Variants in SRRM3 observed in about 807,000 individuals in gnomAD.
The protein encoded by SRRM3 is serine/arginine repetitive matrix 3, also known as serine/arginine repetitive matrix protein 3.
Under a neutral mutation model 66.2 loss-of-function variants are expected in SRRM3, and 27 were observed. The observed-to-expected ratio is 0.41, with a 90% CI of 0.30 to 0.56. The LOEUF (loss-of-function observed/expected upper bound fraction) is 0.56, where lower values mean the gene tolerates loss of function less well. Ranked by LOEUF, SRRM3 falls within the 20% of genes least tolerant of loss-of-function variation. SRRM3 has a pLI of 0.32. For synonymous variants in SRRM3, 391 were observed against 414.9 expected, an observed-to-expected ratio of 0.94 and a Z score of 0.70; for missense variants, 918 against 991.9, an observed-to-expected ratio of 0.93 and a Z score of 1.00.
intron 1 of SRRM3, among the ~76,000 whole-genome samples, chr7:76,209,273 C>T (rs886980148): frequency 1.3e-5 from 2 of 152,198 alleles, no homozygotes; most frequent in Non-Finnish European, 2.9e-5. Context: ...CCTTGAGGAG[C>T]TTCTGGACCA....
At chr7:76,244,160 G>A (rs185133555) in intron 2 of SRRM3, among the ~76,000 whole-genome samples, 64 of 152,246 alleles carry the variant, frequency 4.2e-4, no homozygotes, top group African/African-American at 1.4e-3. Flanking sequence ...CCCTCCCCAC[G>A]GTGAGCGACA....
chr7:76,257,137 T>A (rs573982775), intron 3 of SRRM3, among the ~76,000 whole-genome samples: 1 of 152,322 alleles, frequency 6.6e-6, no homozygotes, highest in African/African-American at 2.4e-5. Context: ...CCAGTAGGTC[T>A]CAGCCTCATT....
chr7:76,207,906 A>G (rs1370728730), intron 1 of SRRM3, among the ~76,000 whole-genome samples: 2 of 152,140 alleles, frequency 1.3e-5, no homozygotes, highest in South Asian at 2.1e-4. Flanking sequence ...ATATTCTTCC[A>G]AAAGCATATT....
chr7:76,227,304 A>G (rs1800898491), intron 1 of SRRM3, among the ~76,000 whole-genome samples: 1 of 152,212 alleles, frequency 6.6e-6, no homozygotes, highest in African/African-American at 2.4e-5. Flanking sequence ...TTCAGATTAT[A>G]GCTCTAGACT....
intron 10 of SRRM3, among the ~76,000 whole-genome samples, chr7:76,265,850 A>G (rs1275291718): frequency 1.0e-4 from 1 of 9,914 alleles, no homozygotes; most frequent in Non-Finnish European, 1.3e-4. Context: ...ATATATATAT[A>G]TATATATATT....
intron 11 of SRRM3, among the ~76,000 whole-genome samples, chr7:76,270,266 G>T (rs1025171562): frequency 1.3e-5 from 2 of 152,204 alleles, no homozygotes; most frequent in Non-Finnish European, 2.9e-5. Flanking sequence ...AGCAGGACAG[G>T]CTGTTCAGGA....
intron 14 of SRRM3, chr7:76,283,930 A>G: frequency 1.5e-6 from 1 of 685,592 alleles, no homozygotes; most frequent in Non-Finnish European, 1.8e-6. Flanking sequence ...TCTGAGCCCA[A>G]CTCTGCCACT....
chr7:76,242,615 A>G (rs1275364184), intron 2 of SRRM3, among the ~76,000 whole-genome samples: 2 of 152,180 alleles, frequency 1.3e-5, no homozygotes, highest in African/African-American at 4.8e-5. Context: ...ATGTAATGAA[A>G]TAATTCTACA....
chr7:76,203,029 G>A (rs1381864436), intron 1 of SRRM3, among the ~76,000 whole-genome samples: 1 of 152,172 alleles, frequency 6.6e-6, no homozygotes, highest in Non-Finnish European at 1.5e-5. Context: ...TTGTCCCATG[G>A]CAAGAGAAAA....
chr7:76,265,861 T>TAATATATATATAAATA (rs1802011232), intron 10 of SRRM3, among the ~76,000 whole-genome samples: 8 of 20,454 alleles, frequency 3.9e-4, no homozygotes, highest in African/African-American at 1.8e-3. Flanking sequence ...TATATATATT[T>TAATATATATATAAATA]TTTTTTTTTT....
In SRRM3 at chr7:76,285,791, C is replaced by A. The variant is rs1297703775; in HGVS notation, c.1910C>A (p.Thr637Asn). The A allele has an allele frequency of 1.3e-6, 2 of 1,550,912 alleles. No homozygotes were observed. The highest frequency in any genetic ancestry group is 2.0e-5 in the Admixed American group (1 of 51,044). The change falls in exon 15 of 15, where the codon ACC (threonine) becomes AAC (asparagine). Residue 637 changes from threonine to asparagine, a missense_variant. By Grantham distance (65) the Thr-to-Asn change is moderately conservative. Transcript: ENST00000611745. This position sits in a 1 kb window ranked among gnomAD's most constrained non-coding sequence, Gnocchi z 4.1. ...TRSRTRSPSR[T>N]PSPSYHSRSS... ...AGCCGGACACGCAGCCCCTCGAGGA[C>A]CCCCAGTCCCAGCTACCACAGCCGG...
intron 1 of SRRM3, among the ~76,000 whole-genome samples, chr7:76,217,500 T>C (rs1397790783): frequency 6.6e-6 from 1 of 152,104 alleles, no homozygotes; most frequent in Non-Finnish European, 1.5e-5. Flanking sequence ...GGCCAGGCTG[T>C]TCTCAAATTG....
chr7:76,235,347 A>T, intron 2 of SRRM3, 48 bp downstream of exon 2: 33 of 1,121,438 alleles, frequency 2.9e-5, no homozygotes, highest in Middle Eastern at 3.4e-4. Flanking sequence ...AGGCGGGGCG[A>T]GGGTGGGAGA....
chr7:76,285,603 T>G lies in SRRM3; in HGVS notation c.1734-12T>G, dbSNP rs782374266. 25 of 1,546,064 alleles carry G rather than the reference T, an allele frequency of 1.6e-5. No homozygotes were observed. In the South Asian group the frequency reaches 3.0e-4, roughly 18 times the overall value. ...CTGGGATGGCCTGTAATCAGCTTTTTCTTCCCGGCAGCGCCCGCAAGCGTC... is the reference window on the plus strand; with the variant it reads ...CTGGGATGGCCTGTAATCAGCTTTTGCTTCCCGGCAGCGCCCGCAAGCGTC... On this transcript the variant is annotated splice_polypyrimidine_tract_variant and intron_variant, in intron 14 of 14. Transcript: ENST00000611745. This position sits in a 1 kb window ranked among gnomAD's most constrained non-coding sequence, Gnocchi z 4.1.
chr7:76,230,700 GGGAA>G (rs782281845), intron 1 of SRRM3, among the ~76,000 whole-genome samples: 14 of 151,142 alleles, frequency 9.3e-5, no homozygotes, highest in South Asian at 6.3e-4. Flanking sequence ...AGGTAAGGAA[GGGAA>G]GGAAGGAAGG....
At chr7:76,283,881 T>A in intron 14 of SRRM3, 1 of 977,670 alleles carries the variant, frequency 1.0e-6, no homozygotes, top group Non-Finnish European at 1.2e-6. Context: ...AGCCCTAGAT[T>A]ACCCTGGCAG....
intron 1 of SRRM3, among the ~76,000 whole-genome samples, chr7:76,204,834 A>T (rs1334964360): frequency 3.9e-5 from 6 of 152,162 alleles, no homozygotes; most frequent in Non-Finnish European, 7.4e-5. Context: ...ACACTTTGGG[A>T]GGCCAAGGCA....
At chr7:76,221,592 G>A (rs1800722789) in intron 1 of SRRM3, among the ~76,000 whole-genome samples, 1 of 150,394 alleles carries the variant, frequency 6.6e-6, no homozygotes, top group Middle Eastern at 3.3e-3. Context: ...TCGATTTCCT[G>A]ACCTTGTGAT....
chr7:76,229,765 A>T (rs1394638010), intron 1 of SRRM3, among the ~76,000 whole-genome samples: 1 of 124,284 alleles, frequency 8.0e-6, no homozygotes, highest in African/African-American at 3.2e-5. Context: ...TTTTTTTGAG[A>T]CGGAGTCTCG....
Sources: gnomAD v4.1 joint callset for allele counts (sites outside exome capture counted in the v4.1 genomes callset) on GRCh38, gnomAD v4.1.1 for gene constraint, Gnocchi (gnomAD v3.1) non-coding constraint, MANE v1.5 for transcripts, NCBI Gene and HGNC (gene_info 2026-07-23, HGNC 2026-07-21) for gene names.